Variants in ZNF644 observed in about 807,000 individuals in gnomAD.
The protein encoded by ZNF644 is zinc finger motif enhancer binding protein 2.
ZNF644 carries 20 observed loss-of-function variants against 108.0 expected under a neutral mutation model. The observed-to-expected ratio is 0.19, with a 90% CI of 0.13 to 0.27. ZNF644 has a LOEUF of 0.27. Ranked by LOEUF, ZNF644 falls within the 10% of genes least tolerant of loss-of-function variation. ZNF644 has a pLI of 1.00. For missense variants in ZNF644, 1,338 were observed against 1,548.9 expected (o/e 0.86, Z 2.29); for synonymous variants, 542 against 539.1 (o/e 1.01, Z -0.08).
At chr1:90,997,756 CG>C (rs1002856377) in intron 1 of ZNF644, among the ~76,000 whole-genome samples, 2 of 152,254 alleles carry the variant, frequency 1.3e-5, no homozygotes, top group East Asian at 3.9e-4. Flanking sequence ...TCGCCTCACC[CG>C]GGAAGTGCAA....
At chr1:91,020,604 A>C (rs527499932) in intron 1 of ZNF644, 1 of 152,248 alleles carries the variant, frequency 6.6e-6, no homozygotes, top group Non-Finnish European at 1.5e-5. Flanking sequence ...CCAAAATGCA[A>C]TATTACTGCC....
chr1:90,999,375 G>C (rs1658517041), intron 1 of ZNF644, among the ~76,000 whole-genome samples: 1 of 152,130 alleles, frequency 6.6e-6, no homozygotes, highest in South Asian at 2.1e-4. Context: ...AGAAGAGAGT[G>C]GTGGCAAATA....
intron 5 of ZNF644, among the ~76,000 whole-genome samples, chr1:90,917,533 T>C (rs1648921242): frequency 6.6e-6 from 1 of 152,174 alleles, no homozygotes. Flanking sequence ...AGTCTTGCTC[T>C]GTCGCTCAGG....
At chr1:90,948,276 T>C (rs1170391202) in intron 2 of ZNF644, among the ~76,000 whole-genome samples, 1 of 152,232 alleles carries the variant, frequency 6.6e-6, no homozygotes, top group Non-Finnish European at 1.5e-5. Flanking sequence ...AAGCTAAGAA[T>C]GTTCAAAGTG....
chr1:90,933,901 C>T (rs543973907), intron 4 of ZNF644, among the ~76,000 whole-genome samples: 1 of 152,206 alleles, frequency 6.6e-6, no homozygotes, highest in East Asian at 1.9e-4. Context: ...TCCTAGTTTC[C>T]TATAAAACGT....
At chr1:90,920,553 G>T (rs1469311387) in intron 4 of ZNF644, among the ~76,000 whole-genome samples, 1 of 151,952 alleles carries the variant, frequency 6.6e-6, no homozygotes, top group Non-Finnish European at 1.5e-5. Context: ...AGGGAAAAAA[G>T]AATTATTTTA....
intron 2 of ZNF644, among the ~76,000 whole-genome samples, chr1:90,952,180 G>C (rs1019755732): frequency 2.0e-5 from 3 of 151,946 alleles, no homozygotes; most frequent in African/African-American, 7.3e-5. Context: ...ACTGACAAAG[G>C]GTCACCTTGG....
At chr1:91,013,172 TAA>T (rs1660117219) in intron 1 of ZNF644, among the ~76,000 whole-genome samples, 1 of 152,002 alleles carries the variant, frequency 6.6e-6, no homozygotes, top group African/African-American at 2.4e-5. Flanking sequence ...CTCTCATGTT[TAA>T]GCAATTCTCC....
At chr1:90,970,854 G>C (rs1435817833) in intron 2 of ZNF644, among the ~76,000 whole-genome samples, 2 of 151,960 alleles carry the variant, frequency 1.3e-5, no homozygotes, top group Non-Finnish European at 2.9e-5. Context: ...ACAAAAATTA[G>C]CTGGGCGTGG....
At chr1:90,963,562 A>T (rs932095615) in intron 2 of ZNF644, among the ~76,000 whole-genome samples, 3 of 152,108 alleles carry the variant, frequency 2.0e-5, no homozygotes, top group East Asian at 1.9e-4. Context: ...TTCAGCCCAA[A>T]CCTCCTACAG....
At position 91,004,529 on chromosome 1, in the gene ZNF644, G is replaced by A. The variant is rs1659224042; in HGVS notation, c.-18+17461C>T. Among the ~76,000 whole-genome samples, 5 of 152,122 alleles carry A rather than the reference G, an allele frequency of 3.3e-5. No homozygotes were observed. The South Asian group carries it at 1.0e-3, about 31-fold the overall frequency. On this transcript the variant is annotated intron_variant, in intron 1 of 5. Transcript: ENST00000337393. ...GAGTGTCCCTCAGGCTGAAATGAAA[G>A]AACACTAGATAGCAATCTGAATCCA...
intron 1 of ZNF644, among the ~76,000 whole-genome samples, chr1:91,003,331 C>T (rs1386905442): frequency 4.6e-5 from 7 of 152,156 alleles, no homozygotes; most frequent in African/African-American, 1.7e-4. Flanking sequence ...CACATATATA[C>T]CATGGAATAC....
chr1:90,933,679 A>G (rs1297933838), intron 4 of ZNF644, among the ~76,000 whole-genome samples: 1 of 76,536 alleles, frequency 1.3e-5, no homozygotes, highest in Non-Finnish European at 3.4e-5. Context: ...AAATAAATAA[A>G]TAAATGAACA....
intron 1 of ZNF644, among the ~76,000 whole-genome samples, chr1:91,007,068 C>T (rs1659496401): frequency 1.3e-5 from 2 of 151,866 alleles, no homozygotes; most frequent in Admixed American, 1.3e-4. Flanking sequence ...CTTTCTTGAT[C>T]TTCCCTTTAT....
chr1:90,969,415 C>A (rs551211418), intron 2 of ZNF644, among the ~76,000 whole-genome samples: 2 of 152,312 alleles, frequency 1.3e-5, no homozygotes, highest in South Asian at 4.2e-4. Flanking sequence ...ACAATAGTCA[C>A]CCCTCATCTG....
chr1:90,954,952 ACT>A (rs1468068306), intron 2 of ZNF644, among the ~76,000 whole-genome samples: 1 of 152,192 alleles, frequency 6.6e-6, no homozygotes. Context: ...CAGAGGAATC[ACT>A]CTAGCTACAG....
At chr1:90,958,873 G>A (rs1304745368) in intron 2 of ZNF644, among the ~76,000 whole-genome samples, 1 of 152,156 alleles carries the variant, frequency 6.6e-6, no homozygotes, top group Non-Finnish European at 1.5e-5. Flanking sequence ...CTCTCAGAAG[G>A]CATGGGTTGG....
chr1:90,958,696 T>C (rs1654011070), intron 2 of ZNF644, among the ~76,000 whole-genome samples: 1 of 152,126 alleles, frequency 6.6e-6, no homozygotes, highest in Admixed American at 6.6e-5. Flanking sequence ...TCCAACAAAG[T>C]GCCAAGACCA....
At chr1:90,951,184 C>T (rs12748714) in intron 2 of ZNF644, among the ~76,000 whole-genome samples, 51 of 152,290 alleles carry the variant, frequency 3.3e-4, no homozygotes, top group Non-Finnish European at 6.0e-4. Context: ...GGTATTAGTA[C>T]AAGGACAGAT....
Sources: gnomAD v4.1 joint callset for allele counts (sites outside exome capture counted in the v4.1 genomes callset) on GRCh38, gnomAD v4.1.1 for gene constraint, MANE v1.5 for transcripts, NCBI Gene and HGNC (gene_info 2026-07-23, HGNC 2026-07-21) for gene names.